HTR4: variants seen among roughly 807,000 people sequenced by gnomAD.
The protein encoded by HTR4 is 5-hydroxytryptamine (serotonin) receptor 4, G protein-coupled.
HTR4 carries 16 observed loss-of-function variants against 36.8 expected under a neutral mutation model. The observed-to-expected ratio is 0.43, with a 90% CI of 0.29 to 0.66. HTR4 has a LOEUF of 0.66. HTR4 is among the 30% of genes least tolerant of loss of function. The pLI is 0.13. For missense variants in HTR4, 438 were observed against 490.9 expected, an observed-to-expected ratio of 0.89 and a Z score of 1.02; for synonymous variants, 189 against 185.1, an observed-to-expected ratio of 1.02 and a Z score of -0.17.
chr5:148,509,580 A>G lies in HTR4; in HGVS notation c.952T>C (p.Ser318Pro). The G allele has an allele frequency of 6.2e-7, 1 of 1,614,062 alleles. No homozygotes were observed. Among genetic ancestry groups the G allele is most frequent in the Non-Finnish European group, 8.5e-7 (1 of 1,179,980 alleles). ...ATGATGAGGAAGGCACGTCTAAAAG[A>G]CTTATTCAAGAAGGCGTAGAGAAAA... Reference protein sequence around the residue: ...NPFLYAFLNKSFRRAFLIILC... With the variant: ...NPFLYAFLNKPFRRAFLIILC... Residue 318 changes from serine to proline, a missense_variant, in exon 6 of 7, where the codon TCT becomes CCT. Ser to Pro is a moderately conservative substitution (Grantham distance 74). Coordinates refer to ENST00000377888, the MANE Select transcript of HTR4 (RefSeq NM_000870.7).
At chr5:148,598,561 T>A (rs1332655132) in intron 2 of HTR4, among the ~76,000 whole-genome samples, 6 of 150,526 alleles carry the variant, frequency 4.0e-5, no homozygotes, top group Non-Finnish European at 7.4e-5. Context: ...AAAAAAAAAA[T>A]AAAAAAAGCC....
chr5:148,574,828 C>G (rs1429045739), intron 2 of HTR4, among the ~76,000 whole-genome samples: 1 of 152,092 alleles, frequency 6.6e-6, no homozygotes, highest in Non-Finnish European at 1.5e-5. Context: ...CCACCCACCA[C>G]AGAATTCATT....
intron 2 of HTR4, among the ~76,000 whole-genome samples, chr5:148,610,889 T>A (rs1041729254): frequency 1.2e-3 from 174 of 147,740 alleles, no homozygotes; most frequent in African/African-American, 4.2e-3. Flanking sequence ...TGCAGAAGCC[T>A]CAGGAGCCGA....
intron 5 of HTR4, among the ~76,000 whole-genome samples, chr5:148,464,269 G>T (rs1197308970): frequency 2.0e-5 from 3 of 152,064 alleles, no homozygotes; most frequent in Admixed American, 1.3e-4. Flanking sequence ...TAAAAATTTT[G>T]CTCTTTGAGG....
Position 148,482,853 on chromosome 5 carries a change from T to C in HTR4, c.*350A>G. The stretch of plus-strand genomic sequence containing the variant: ...TATTTGGAGACATCAGTGACCGAGA[T>C]AGGACGCAGCAAGCTATCGTGCTTA... On this transcript the variant is annotated 3_prime_UTR_variant, in exon 7 of 7. Coordinates refer to ENST00000377888, the MANE Select transcript of HTR4 (RefSeq NM_000870.7). The C allele has an allele frequency of 1.8e-6, 2 of 1,134,648 alleles. No homozygotes were observed. The highest frequency in any genetic ancestry group is 2.7e-5 in the South Asian group (1 of 37,236). The allele number at this position is 1,134,648 out of a possible 1,614,324, so 70.3% of individuals were successfully genotyped here.
chr5:148,470,283 C>A (rs1189077921), intron 5 of HTR4, among the ~76,000 whole-genome samples: 1 of 152,106 alleles, frequency 6.6e-6, no homozygotes, highest in South Asian at 2.1e-4. Flanking sequence ...TTAACATATG[C>A]AGCTTCCCAT....
intron 2 of HTR4, among the ~76,000 whole-genome samples, chr5:148,584,049 T>C (rs148033073): frequency 2.0e-4 from 30 of 152,300 alleles, no homozygotes; most frequent in African/African-American, 6.3e-4. Context: ...TTTCACCCCA[T>C]CTTACCCAAC....
At chr5:148,472,627 A>G (rs1373006595), downstream of HTR4, among the ~76,000 whole-genome samples, 2 of 152,168 alleles carry the variant, frequency 1.3e-5, no homozygotes, top group Non-Finnish European at 2.9e-5. Context: ...GGAAAAATGT[A>G]TTAAACAGGT....
At chr5:148,517,877 A>G (rs1275337465) in intron 5 of HTR4, among the ~76,000 whole-genome samples, 1 of 152,102 alleles carries the variant, frequency 6.6e-6, no homozygotes, top group East Asian at 1.9e-4. Context: ...TCCTCATAGT[A>G]AAAGTCAATG....
At chr5:148,476,910 A>C (rs1755715807), downstream of HTR4, among the ~76,000 whole-genome samples, 1 of 152,208 alleles carries the variant, frequency 6.6e-6, no homozygotes, top group Admixed American at 6.5e-5. Context: ...TGGTATTTGA[A>C]ATACACTATG....
intron 5 of HTR4, among the ~76,000 whole-genome samples, chr5:148,515,078 TC>T (rs1338388400): frequency 2.0e-5 from 3 of 152,168 alleles, no homozygotes; most frequent in African/African-American, 7.2e-5. Flanking sequence ...TATCTATTAA[TC>T]TTTTCTGTTT....
At chr5:148,509,346 A>G (rs1757379016) in intron 6 of HTR4, 110 bp downstream of exon 6, 6 of 764,418 alleles carry the variant, frequency 7.8e-6, no homozygotes, top group Non-Finnish European at 1.3e-5. Flanking sequence ...AATCTTTGCA[A>G]ACTCTATGCA....
In HTR4 at chr5:148,654,439, G is replaced by A; in HGVS notation, c.-425C>T. The A allele has an allele frequency of 5.1e-6, 5 of 985,508 alleles. No homozygotes were observed. Among genetic ancestry groups the A allele is most frequent in the Non-Finnish European group, 6.0e-6 (5 of 830,006 alleles). The allele number at this position is 985,508 out of a possible 1,614,324, so 61.0% of individuals were successfully genotyped here. ...TGCCGCTCTGCCGGCAGGGCGCACA[G>A]GGGAGTGGGCACAGAGGCGGGCTGG... On this transcript the variant is annotated 5_prime_UTR_variant, in exon 1 of 7. Transcript: ENST00000377888.
chr5:148,469,048 A>G (rs956648463), intron 5 of HTR4, among the ~76,000 whole-genome samples: 5 of 152,108 alleles, frequency 3.3e-5, no homozygotes, highest in African/African-American at 1.2e-4. Context: ...TCCTTTATAA[A>G]TTACCCAGTC....
intron 2 of HTR4, among the ~76,000 whole-genome samples, chr5:148,578,655 G>C (rs771198755): frequency 1.3e-5 from 2 of 151,936 alleles, no homozygotes; most frequent in Non-Finnish European, 2.9e-5. Flanking sequence ...TCAAATCCTG[G>C]AGTCAATACA....
At chr5:148,580,591 T>C (rs1483951927) in intron 2 of HTR4, among the ~76,000 whole-genome samples, 5 of 152,132 alleles carry the variant, frequency 3.3e-5, no homozygotes, top group Non-Finnish European at 5.9e-5. Flanking sequence ...TTGACTGTTT[T>C]AGATGCCTCA....
At chr5:148,542,268 T>C (rs1403167502) in intron 4 of HTR4, among the ~76,000 whole-genome samples, 1 of 152,228 alleles carries the variant, frequency 6.6e-6, no homozygotes, top group Admixed American at 6.5e-5. Context: ...TAATATACTT[T>C]CCTTGTGAAA....
chr5:148,596,537 T>C (rs1761783086), intron 2 of HTR4, among the ~76,000 whole-genome samples: 1 of 152,250 alleles, frequency 6.6e-6, no homozygotes, highest in South Asian at 2.1e-4. Flanking sequence ...GGGGCTGGCT[T>C]TTTTTGGAGA....
chr5:148,626,736 T>G (rs1245252922), intron 2 of HTR4, among the ~76,000 whole-genome samples: 1 of 152,238 alleles, frequency 6.6e-6, no homozygotes, highest in Non-Finnish European at 1.5e-5. Flanking sequence ...GTTTTCTGGA[T>G]GTTAATATTT....
Sources: allele counts gnomAD v4.1 joint callset (sites outside exome capture counted in the v4.1 genomes callset), GRCh38; gene constraint gnomAD v4.1.1; transcripts MANE v1.5; gene names NCBI Gene and HGNC (gene_info 2026-07-23, HGNC 2026-07-21).